LLGL2: variants seen among roughly 807,000 people sequenced by gnomAD.
LLGL2 encodes LLGL2, scribble cell polarity complex component.
Under a neutral mutation model 123.2 loss-of-function variants are expected in LLGL2, and 81 were observed. That is an observed-to-expected ratio of 0.66 (90% confidence interval 0.55 to 0.79). The LOEUF is 0.79. LLGL2 is among the 30% of genes least tolerant of loss of function. The probability of loss-of-function intolerance (pLI) is 0.00; values close to 1 mark genes in which losing one functional copy is unlikely to be tolerated. For synonymous variants in LLGL2, 577 were observed against 594.1 expected (o/e 0.97, Z 0.42); for missense variants, 1,273 against 1,414.6 (o/e 0.90, Z 1.61).
At chr17:75,535,399 G>T (rs986299862) in intron 1 of LLGL2, among the ~76,000 whole-genome samples, 12 of 152,208 alleles carry the variant, frequency 7.9e-5, no homozygotes, top group African/African-American at 2.9e-4. Flanking sequence ...GCGGCCCGGG[G>T]GCCCTCTCTG....
chr17:75,574,709 G>A, intron 25 of LLGL2, 41 bp downstream of exon 25: 3 of 1,603,952 alleles, frequency 1.9e-6, no homozygotes, highest in Non-Finnish European at 2.6e-6. Flanking sequence ...AACCGTGCTG[G>A]GAAGGGCTGG....
chr17:75,571,845 G>A (rs1179363494), intron 18 of LLGL2, 53 bp from the exon 19 acceptor site: 28 of 1,605,282 alleles, frequency 1.7e-5, no homozygotes, highest in Non-Finnish European at 2.4e-5. Flanking sequence ...CCAGGGAGTG[G>A]CTCCAGCCCT....
intron 2 of LLGL2, among the ~76,000 whole-genome samples, chr17:75,555,111 A>G (rs2054846888): frequency 6.7e-6 from 1 of 150,122 alleles, no homozygotes; most frequent in South Asian, 2.2e-4. Context: ...CGGGAGGCGG[A>G]GCTTGCAGTG....
chr17:75,568,348 C>T, intron 10 of LLGL2, 128 bp from the exon 11 acceptor site: 1 of 1,449,462 alleles, frequency 6.9e-7, no homozygotes, highest in South Asian at 1.4e-5. Flanking sequence ...AAAGGCTTTG[C>T]TCAAGCAGCC....
chr17:75,557,045 T>TTTTTTTTTTTTTTTG, intron 3 of LLGL2, among the ~76,000 whole-genome samples: 1 of 50,156 alleles, frequency 2.0e-5, no homozygotes. Context: ...TTTTTTTTTT[T>TTTTTTTTTTTTTTTG]TTTTTTTTTT....
At chr17:75,536,000 A>G (rs1331985610) in intron 1 of LLGL2, among the ~76,000 whole-genome samples, 1 of 152,292 alleles carries the variant, frequency 6.6e-6, no homozygotes, top group Non-Finnish European at 1.5e-5. Flanking sequence ...TAGAAAGTGG[A>G]TGGGAACCAG....
In LLGL2 at chr17:75,575,175, G is replaced by A. The variant is rs1428623087; in HGVS notation, c.*297G>A. On this transcript the variant is annotated 3_prime_UTR_variant, in exon 26 of 26. Coordinates refer to ENST00000392550, the MANE Select transcript of LLGL2 (RefSeq NM_001031803.2). ...TTATAAATGTTAACTGCCTCTGGGT[G>A]AAAAAGTTTTTAATAAACACCTATT... The A allele has an allele frequency of 3.6e-6, 2 of 552,494 alleles. No individual in the cohort carries two copies. The highest frequency in any genetic ancestry group is 6.5e-6 in the Non-Finnish European group (2 of 309,524). The allele number at this position is 552,494 out of a possible 1,614,324, so 34.2% of individuals were successfully genotyped here.
chr17:75,562,663 G>A (rs770294483), intron 6 of LLGL2: 88 of 264,258 alleles, frequency 3.3e-4, no homozygotes, highest in Non-Finnish European at 5.9e-4. Context: ...CCGCCTCCTG[G>A]GTTCAAGCAA....
chr17:75,541,945 G>A (rs951410648), intron 1 of LLGL2, among the ~76,000 whole-genome samples: 1 of 151,702 alleles, frequency 6.6e-6, no homozygotes, highest in African/African-American at 2.4e-5. Flanking sequence ...TGGCCAGGCT[G>A]GTCTCAAACT....
At chr17:75,541,449 C>G (rs1356633858) in intron 1 of LLGL2, among the ~76,000 whole-genome samples, 1 of 152,234 alleles carries the variant, frequency 6.6e-6, no homozygotes, top group Non-Finnish European at 1.5e-5. Flanking sequence ...TTGGGGCTTT[C>G]CCAGCCGGTG....
intron 1 of LLGL2, among the ~76,000 whole-genome samples, chr17:75,529,937 T>G (rs2053716143): frequency 6.6e-6 from 1 of 152,224 alleles, no homozygotes; most frequent in Non-Finnish European, 1.5e-5. Context: ...TGACTCGTTC[T>G]TTGCCGAGTC....
rs1222405632 is a variant in LLGL2, at chr17:75,549,438, T to C, written c.75+5937T>C. 1.3e-5 allele frequency among the ~76,000 whole-genome samples: 2 copies of C among 152,194 alleles called. No individual in the cohort carries two copies. The highest frequency in any genetic ancestry group is 4.8e-5 in the African/African-American group (2 of 41,446). Reference sequence around the variant, plus strand: ...GCCGCAGAAGCACCTGCCTGGGCCTTCCCTGCCCGTGCCCACCCTCCTCTG... The same window carrying C: ...GCCGCAGAAGCACCTGCCTGGGCCTCCCCTGCCCGTGCCCACCCTCCTCTG... On this transcript the variant is annotated intron_variant, in intron 2 of 25. Transcript: ENST00000392550. The surrounding 1 kb of genome is among the most constrained non-coding windows in gnomAD (Gnocchi z 4.0).
intron 1 of LLGL2, among the ~76,000 whole-genome samples, chr17:75,538,374 C>A (rs1394238430): frequency 1.3e-5 from 2 of 152,170 alleles, no homozygotes. Context: ...CACTTGTCTT[C>A]ATCCTGAAAC....
rs1047218953 is a variant in LLGL2 at position 75,563,425 on chromosome 17, C to T, written c.788C>T (p.Ala263Val). ...TGCCAGTGGCCCGTGTCCAGCGAAG[C>T]CCAGCAACCAGAGCCCCTCCGCAGC... is the stretch of plus-strand genomic sequence containing the variant. ...SYCQWPVSSE[A>V]QQPEPLRSLV... The change falls in exon 8 of 26, where the codon GCC (alanine) becomes GTC (valine). Residue 263 changes from alanine (A) to valine (V), a missense_variant. Coordinates refer to ENST00000392550, the MANE Select transcript of LLGL2 (RefSeq NM_001031803.2). 4 of 1,612,696 alleles carry T rather than the reference C, an allele frequency of 2.5e-6. No homozygotes were observed. In the African/African-American group the frequency reaches 5.3e-5, roughly 22 times the overall value.
At chr17:75,563,970 C>G (rs1161646228) in intron 9 of LLGL2, among the ~76,000 whole-genome samples, 164 bp downstream of exon 9, 1 of 152,228 alleles carries the variant, frequency 6.6e-6, no homozygotes, top group Non-Finnish European at 1.5e-5. Context: ...CTATTCACGT[C>G]TCTCAGCGGC....
chr17:75,570,961 G>T lies in LLGL2; in HGVS notation c.2037G>T (p.Gly679=), dbSNP rs200954432. The change falls in exon 17 of 26, where the codon GGG becomes GGT. Residue 679 remains glycine (G), a synonymous_variant. Transcript: ENST00000392550. ...CCCACCCCTTGCAGGCACAGGAGGG[G>T]AGTGCCAAGGCTGAGCGGCCAGGCC... is the stretch of plus-strand genomic sequence containing the variant. The part of the protein sequence containing the change: ...PAGPPGEAQE[G]SAKAERPGLQ... The T allele has an allele frequency of 9.9e-6, 16 of 1,609,710 alleles. No individual in the cohort carries two copies. Among genetic ancestry groups the T allele is most frequent in the Non-Finnish European group, 1.4e-5 (16 of 1,178,156 alleles).
At chr17:75,531,174 T>C (rs1458303902) in intron 1 of LLGL2, among the ~76,000 whole-genome samples, 1 of 152,054 alleles carries the variant, frequency 6.6e-6, no homozygotes. Flanking sequence ...CTTTCAACCT[T>C]GCTTGGGGAG....
At chr17:75,563,885 G>C in intron 9 of LLGL2, 79 bp downstream of exon 9, 1 of 1,437,034 alleles carries the variant, frequency 7.0e-7, no homozygotes, top group Non-Finnish European at 9.8e-7. Context: ...CTCTGCCTGG[G>C]AAGTTGGTGC....
chr17:75,550,205 G>A (rs762688905), intron 2 of LLGL2, among the ~76,000 whole-genome samples: 3 of 152,240 alleles, frequency 2.0e-5, no homozygotes, highest in African/African-American at 4.8e-5. Context: ...GCCCCGTCCC[G>A]CCCTCTGTCC....
Sources: allele counts gnomAD v4.1 joint callset (sites outside exome capture counted in the v4.1 genomes callset), GRCh38; gene constraint gnomAD v4.1.1; non-coding constraint Gnocchi (gnomAD v3.1); transcripts MANE v1.5; gene names NCBI Gene and HGNC (gene_info 2026-07-23, HGNC 2026-07-21).